ZFP64: variants seen among roughly 807,000 people sequenced by gnomAD.
The protein encoded by ZFP64 is zinc finger protein 64.
A neutral mutation model predicts 51.6 loss-of-function variants in ZFP64; 14 were observed. The observed-to-expected ratio is 0.27, with a 90% CI of 0.18 to 0.42. The LOEUF (loss-of-function observed/expected upper bound fraction) is 0.42. ZFP64 is among the 10% of genes least tolerant of loss of function. ZFP64 has a pLI of 1.00. For synonymous variants in ZFP64, 375 were observed against 361.4 expected (o/e 1.04, Z -0.43); for missense variants, 754 against 906.8 (o/e 0.83, Z 2.16).
chr20:52,164,601 T>G, intron 4 of ZFP64, 94 bp downstream of exon 4: 1 of 1,056,988 alleles, frequency 9.5e-7, no homozygotes, highest in Non-Finnish European at 1.5e-6. Context: ...CCAGTGACGT[T>G]TGGAGTGGTA....
chr20:52,164,534 T>C (rs953282510), intron 4 of ZFP64, among the ~76,000 whole-genome samples, 161 bp downstream of exon 4: 2 of 152,244 alleles, frequency 1.3e-5, no homozygotes, highest in Non-Finnish European at 2.9e-5. Flanking sequence ...TCTGCCAAAG[T>C]CATGTGTACA....
chr20:52,120,664 G>A (rs1314213085), intron 5 of ZFP64, among the ~76,000 whole-genome samples: 3 of 127,418 alleles, frequency 2.4e-5, no homozygotes, highest in Non-Finnish European at 4.8e-5. Context: ...TGTGATCAGT[G>A]ATCTTTTTTT....
intron 5 of ZFP64, chr20:52,110,311 C>A: frequency 4.4e-6 from 2 of 455,216 alleles, no homozygotes; most frequent in South Asian, 5.4e-5. Context: ...CTCCCCACCC[C>A]TACCAAACCC....
intron 5 of ZFP64, among the ~76,000 whole-genome samples, chr20:52,136,107 A>G (rs1282524231): frequency 1.8e-4 from 27 of 149,814 alleles, no homozygotes; most frequent in African/African-American, 6.6e-4. Context: ...AAAAAAAAAA[A>G]AAAAAAAAAA....
chr20:52,131,636 T>C (rs1037730780), intron 5 of ZFP64, among the ~76,000 whole-genome samples: 1 of 152,188 alleles, frequency 6.6e-6, no homozygotes, highest in Non-Finnish European at 1.5e-5. Context: ...CTATATATAA[T>C]GTTTATAAAG....
chr20:52,103,466 G>A (rs1350187508), intron 5 of ZFP64, among the ~76,000 whole-genome samples: 2 of 152,108 alleles, frequency 1.3e-5, no homozygotes, highest in African/African-American at 2.4e-5. Context: ...CTACTGGGCC[G>A]GCAGAGTTTG....
intron 5 of ZFP64, among the ~76,000 whole-genome samples, chr20:52,157,708 A>T (rs927975134): frequency 1.2e-4 from 19 of 152,194 alleles, no homozygotes; most frequent in African/African-American, 4.6e-4. Flanking sequence ...TCTGGGATAC[A>T]TGTGCAGAAC....
Position 52,099,318 on chromosome 20 carries a change from ACTTTTTTTTTTTTTTTTAAGATG to A in ZFP64, c.764-754_764-732del, listed in dbSNP as rs1307658295. Among the ~76,000 whole-genome samples the A allele has an allele frequency of 6.7e-3, 395 of 58,710 alleles. 3 individuals are homozygous for A. Among genetic ancestry groups the A allele is most frequent in the African/African-American group, 0.037 (370 of 10,070 alleles). 38.5% of individuals were successfully genotyped at this position (58,710 alleles called of 152,430 possible). On this transcript the variant is annotated intron_variant, in intron 5 of 8. Transcript: ENST00000361387. ...AAGCTGGATGCCATGGCAATGTCAAACTTTTTTTTTTTTTTTTAAGATGCTTACTCTGGATTTCTGATTTGTTT... is the reference window on the plus strand; with the variant it reads ...AAGCTGGATGCCATGGCAATGTCAAACTTACTCTGGATTTCTGATTTGTTT...
At chr20:52,176,493 G>A (rs888872401) in intron 2 of ZFP64, among the ~76,000 whole-genome samples, 1 of 150,882 alleles carries the variant, frequency 6.6e-6, no homozygotes, top group Admixed American at 6.6e-5. Context: ...TCTAGCTTCT[G>A]GTTCAATCTC....
intron 2 of ZFP64, among the ~76,000 whole-genome samples, chr20:52,182,171 G>A (rs889282305): frequency 2.0e-5 from 3 of 152,208 alleles, no homozygotes; most frequent in Admixed American, 6.5e-5. Context: ...GGACTGTTTA[G>A]TGAGAGGGAG....
At chr20:52,166,112 A>G in intron 2 of ZFP64, 87 bp from the exon 3 acceptor site, 1 of 1,382,980 alleles carries the variant, frequency 7.2e-7, no homozygotes, top group Non-Finnish European at 9.7e-7. Context: ...GAGAGAATGC[A>G]TGTACTAGTT....
At chr20:52,174,057 G>A (rs1982973976) in intron 2 of ZFP64, among the ~76,000 whole-genome samples, 1 of 152,208 alleles carries the variant, frequency 6.6e-6, no homozygotes, top group African/African-American at 2.4e-5. Flanking sequence ...GAGGAGTTAA[G>A]TGAGGACAGA....
In ZFP64 at chr20:52,152,036, C is replaced by T; in HGVS notation, c.*110G>A. 2 of 1,461,952 alleles carry T rather than the reference C, an allele frequency of 1.4e-6. No individual in the cohort carries two copies. The highest frequency in any genetic ancestry group is 1.8e-6 in the Non-Finnish European group (2 of 1,108,578). 90.6% of individuals were successfully genotyped at this position (1,461,952 alleles called of 1,614,324 possible). A position where few individuals can be genotyped will look rare whatever the true frequency, so the allele number is the denominator to read the frequency against. Reference sequence around the variant, plus strand: ...TGGGAAACAGAGCGAGACTCCGTCTCAAAAACAAAACAAAACAAAGAAAAC... The same window carrying T: ...TGGGAAACAGAGCGAGACTCCGTCTTAAAAACAAAACAAAACAAAGAAAAC... On this transcript the variant is annotated 3_prime_UTR_variant, in exon 6 of 6. Transcript: ENST00000216923.
chr20:52,171,770 T>C (rs1263185940), intron 2 of ZFP64, among the ~76,000 whole-genome samples: 1 of 147,842 alleles, frequency 6.8e-6, no homozygotes, highest in Non-Finnish European at 1.5e-5. Context: ...TTTTTTGAGA[T>C]GCAGTCTCGC....
chr20:52,140,286 T>C (rs1349559138), intron 5 of ZFP64, among the ~76,000 whole-genome samples: 2 of 152,108 alleles, frequency 1.3e-5, no homozygotes, highest in Non-Finnish European at 2.9e-5. Flanking sequence ...AATCAAAAGC[T>C]AGACAAGGTT....
chr20:52,156,309 C>T (rs1425456122), intron 5 of ZFP64, among the ~76,000 whole-genome samples: 5 of 152,200 alleles, frequency 3.3e-5, no homozygotes, highest in African/African-American at 7.2e-5. Context: ...TCAACCATGT[C>T]GTTGGGTTTG....
chr20:52,187,995 C>T (rs1314157579), intron 1 of ZFP64, among the ~76,000 whole-genome samples: 1 of 152,160 alleles, frequency 6.6e-6, no homozygotes, highest in East Asian at 1.9e-4. Context: ...GTGAACTTCT[C>T]CAGCACACAG....
At chr20:52,105,324 G>A (rs1830184519) in intron 5 of ZFP64, 8 of 1,253,268 alleles carry the variant, frequency 6.4e-6, no homozygotes, top group Admixed American at 8.4e-5. Flanking sequence ...ACCCCCCTTC[G>A]GCCGGAACGC....
Position 52,131,486 on chromosome 20 carries a change from T to TC in ZFP64, c.763+28636dup, listed in dbSNP as rs570508772. Among the ~76,000 whole-genome samples the TC allele has an allele frequency of 6.0e-4, 91 of 152,022 alleles. No homozygotes were observed. In the East Asian group the frequency reaches 0.015, roughly 24 times the overall value. On this transcript the variant is annotated intron_variant, in intron 5 of 8. Transcript: ENST00000361387. ...ATCTGCTGCCTACAAGAAACACACT[T>TC]CCCCTAAACACACATAGGCTAAAAA...
Sources: allele counts gnomAD v4.1 joint callset (sites outside exome capture counted in the v4.1 genomes callset), GRCh38; gene constraint gnomAD v4.1.1; transcripts MANE v1.5; gene names NCBI Gene and HGNC (gene_info 2026-07-23, HGNC 2026-07-21).